The following OAS1 variants were observed in gnomAD, a reference collection of about 807,000 sequenced individuals.
OAS1 encodes the protein 2'-5'-oligoadenylate synthetase 1.
In OAS1, 24 loss-of-function variants were observed where a neutral mutation model predicts 38.5. The ratio of observed to expected loss-of-function variants is 0.62; its 90% CI spans 0.45 to 0.88. The LOEUF (loss-of-function observed/expected upper bound fraction) is 0.88, where lower values mean the gene tolerates loss of function less well. OAS1 is among the 40% of genes least tolerant of loss of function. The pLI is 0.00. For missense variants in OAS1, 482 were observed against 493.9 expected (o/e 0.98, Z 0.23); for synonymous variants, 169 against 193.9 (o/e 0.87, Z 1.07).
At chr12:112,917,403 C>T in intron 4 of OAS1, 144 bp from the exon 5 acceptor site, 3 of 1,051,032 alleles carry the variant, frequency 2.9e-6, no homozygotes, top group Non-Finnish European at 4.2e-6. Flanking sequence ...GAATAGGGCA[C>T]TGGGGACATA....
chr12:112,931,967 C>G (rs2043599924), exon 7 of OAS1: 6 of 700,086 alleles, frequency 8.6e-6, no homozygotes, highest in Non-Finnish European at 1.3e-5. Context: ...GCCTCATTAT[C>G]CTATAGTTTC....
chr12:112,931,011 G>T (rs1316638909), intron 6 of OAS1, among the ~76,000 whole-genome samples: 1 of 152,108 alleles, frequency 6.6e-6, no homozygotes, highest in Non-Finnish European at 1.5e-5. Context: ...TCACTGATGG[G>T]TTCCATATTT....
intron 6 of OAS1, among the ~76,000 whole-genome samples, chr12:112,925,197 G>C (rs933124802): frequency 2.0e-5 from 3 of 152,156 alleles, no homozygotes; most frequent in Non-Finnish European, 4.4e-5. Context: ...AACTCTGCAC[G>C]CTCAGCTTCA....
At chr12:112,922,354 G>A (rs552746244), downstream of OAS1, among the ~76,000 whole-genome samples, 3 of 152,156 alleles carry the variant, frequency 2.0e-5, no homozygotes, top group Non-Finnish European at 2.9e-5. Context: ...CTGGTCGTCC[G>A]GCCTTGATTT....
At chr12:112,918,941 C>T (rs1490521765) in intron 5 of OAS1, 2 of 251,170 alleles carry the variant, frequency 8.0e-6, no homozygotes, top group Non-Finnish European at 1.6e-5. Flanking sequence ...GGGGGAGAGC[C>T]ACTGGAACCA....
intron 1 of OAS1, 63 bp from the exon 2 acceptor site, chr12:112,908,473 T>A (rs2043326618): frequency 6.6e-7 from 1 of 1,503,782 alleles, no homozygotes; most frequent in East Asian, 2.3e-5. Context: ...ATTGCTCCTG[T>A]CATTTTATTT....
chr12:112,925,672 G>A (rs1327081309), intron 6 of OAS1, among the ~76,000 whole-genome samples: 1 of 152,126 alleles, frequency 6.6e-6, no homozygotes, highest in Non-Finnish European at 1.5e-5. Flanking sequence ...TGTAGTCCCA[G>A]CTACTCAGGA....
intron 3 of OAS1, 58 bp from the exon 4 acceptor site, chr12:112,916,451 T>C: frequency 1.5e-6 from 2 of 1,322,400 alleles, no homozygotes; most frequent in Non-Finnish European, 2.2e-6. Context: ...ATGAGAAGTG[T>C]AGTTTACACA....
chr12:112,918,435 C>T (rs547723833), intron 5 of OAS1: 6 of 307,584 alleles, frequency 2.0e-5, no homozygotes, highest in East Asian at 1.6e-4. Context: ...TATTGTGAAT[C>T]GTACTGCGAT....
chr12:112,918,227 T>C (rs2043490670), intron 5 of OAS1: 1 of 197,564 alleles, frequency 5.1e-6, no homozygotes, highest in Non-Finnish European at 1.1e-5. Flanking sequence ...GTCCCTAGTG[T>C]CTATTGTTCC....
Position 112,917,559 on chromosome 12 carries a change from G to C in OAS1, c.897G>C (p.Leu299=). 1 of 1,614,120 alleles carries C rather than the reference G, an allele frequency of 6.2e-7. No homozygotes were observed. Among genetic ancestry groups the C allele is most frequent in the Non-Finnish European group, 8.5e-7 (1 of 1,180,024 alleles). ...TGCTGCTCTGCAGGCCTGTGATCCT[G>C]GACCCGGCGGACCCTACAGGAAACT... ...RQLTKPRPVI[L]DPADPTGNLG... Residue 299 remains leucine, a synonymous_variant, in exon 5 of 6, where the codon CTG becomes CTC. Coordinates refer to ENST00000202917, the MANE Select transcript of OAS1 (RefSeq NM_016816.4).
chr12:112,918,510 G>A lies in OAS1; in HGVS notation c.1038+810G>A, dbSNP rs1168740722. The A allele has an allele frequency of 1.1e-5, 4 of 371,082 alleles. No individual in the cohort carries two copies. In the Middle Eastern group the frequency reaches 1.1e-3, roughly 107 times the overall value. 23.0% of individuals were successfully genotyped at this position (371,082 alleles called of 1,614,324 possible). A position where few individuals can be genotyped will look rare whatever the true frequency, so the allele number is the denominator to read the frequency against. Reference sequence around the variant, plus strand: ...TTTACCTTTGGGTAGATACCGAGTAGTGGGATTGCTGGGTTGAATGGACAT... The same window carrying A: ...TTTACCTTTGGGTAGATACCGAGTAATGGGATTGCTGGGTTGAATGGACAT... On this transcript the variant is annotated intron_variant, in intron 5 of 5. Transcript: ENST00000202917.
intron 3 of OAS1, among the ~76,000 whole-genome samples, chr12:112,912,789 C>T (rs935499382): frequency 1.3e-5 from 2 of 152,220 alleles, no homozygotes; most frequent in Admixed American, 1.3e-4. Context: ...TTTCTTGATG[C>T]TGTTCTCCTT....
chr12:112,927,142 A>T (rs1291755727), intron 6 of OAS1, among the ~76,000 whole-genome samples: 1 of 152,202 alleles, frequency 6.6e-6, no homozygotes, highest in Non-Finnish European at 1.5e-5. Flanking sequence ...CAATTTGTGC[A>T]GTTAACGCAA....
chr12:112,906,974 G>C lies in OAS1; in HGVS notation c.-66G>C, dbSNP rs1215410131. The C allele has an allele frequency of 6.4e-7, 1 of 1,557,776 alleles. No homozygotes were observed. The highest frequency in any genetic ancestry group is 8.8e-7 in the Non-Finnish European group (1 of 1,133,148). On this transcript the variant is annotated 5_prime_UTR_variant, in exon 1 of 6. Transcript: ENST00000202917. ...CGAAACCAACAGCAGTCCAAGCTCA[G>C]TCAGCAGAAGAGATAAAAGCAAACA...
At chr12:112,925,562 G>A (rs987034927) in intron 6 of OAS1, among the ~76,000 whole-genome samples, 2 of 152,214 alleles carry the variant, frequency 1.3e-5, no homozygotes, top group African/African-American at 4.8e-5. Flanking sequence ...CAAGGCAGGA[G>A]GATTGCTTGA....
intron 1 of OAS1, among the ~76,000 whole-genome samples, 200 bp downstream of exon 1, chr12:112,907,419 T>C (rs1285773662): frequency 6.6e-6 from 1 of 152,212 alleles, no homozygotes. Context: ...GGTGAAATCC[T>C]ACATCCCTAT....
chr12:112,922,112 G>C (rs2136329972), downstream of OAS1, among the ~76,000 whole-genome samples: 1 of 152,274 alleles, frequency 6.6e-6, no homozygotes, highest in African/African-American at 2.4e-5. Context: ...CTGCCCAACA[G>C]TCTTAGAAAT....
Position 112,908,748 on chromosome 12 carries a change from G to C in OAS1, c.393G>C (p.Ala131=), listed in dbSNP as rs147639145. 131 of 1,614,166 alleles carry C rather than the reference G, an allele frequency of 8.1e-5. No individual in the cohort carries two copies. The African/African-American group carries it at 1.2e-3, about 15-fold the overall frequency. ...VQAPRWGNPR[A]LSFVLSSLQL... Reference sequence around the variant, plus strand: ...CTCCACGCTGGGGCAACCCCCGTGCGCTCAGCTTCGTACTGAGTTCGCTCC... The same window carrying C: ...CTCCACGCTGGGGCAACCCCCGTGCCCTCAGCTTCGTACTGAGTTCGCTCC... Residue 131 remains alanine, a synonymous_variant, in exon 2 of 6, where the codon GCG becomes GCC. Coordinates refer to ENST00000202917, the MANE Select transcript of OAS1 (RefSeq NM_016816.4).
Sources: allele counts gnomAD v4.1 joint callset (sites outside exome capture counted in the v4.1 genomes callset), GRCh38; gene constraint gnomAD v4.1.1; transcripts MANE v1.5; gene names NCBI Gene and HGNC (gene_info 2026-07-23, HGNC 2026-07-21).